The following ATP2B2 variants were observed in gnomAD, a reference collection of about 807,000 sequenced individuals.
The protein encoded by ATP2B2 is plasma membrane calcium-transporting ATPase 2.
Under a neutral mutation model 120.0 loss-of-function variants are expected in ATP2B2, and 15 were observed. That is an observed-to-expected ratio of 0.12 (90% confidence interval 0.08 to 0.19). The LOEUF is 0.19. Among genes scored for constraint, ATP2B2 ranks in the 10% least tolerant of loss-of-function variants. The pLI is 1.00. For synonymous variants in ATP2B2, 694 were observed against 700.3 expected, an observed-to-expected ratio of 0.99 and a Z score of 0.14; for missense variants, 1,045 against 1,719.8, an observed-to-expected ratio of 0.61 and a Z score of 6.94.
At chr3:10,654,536 C>A (rs2070559619) in intron 1 of ATP2B2, among the ~76,000 whole-genome samples, 1 of 151,880 alleles carries the variant, frequency 6.6e-6, no homozygotes, top group Non-Finnish European at 1.5e-5. Flanking sequence ...GGGTGCAGGT[C>A]CTGAAAGAAA....
At chr3:10,628,557 G>A (rs914984777) in intron 1 of ATP2B2, among the ~76,000 whole-genome samples, 1 of 152,240 alleles carries the variant, frequency 6.6e-6, no homozygotes, top group Non-Finnish European at 1.5e-5. Flanking sequence ...AGGACATGTA[G>A]TAGGGCGTCC....
intron 1 of ATP2B2, among the ~76,000 whole-genome samples, chr3:10,643,034 A>C (rs528658554): frequency 8.5e-4 from 129 of 152,180 alleles, no homozygotes; most frequent in Non-Finnish European, 1.2e-3. Flanking sequence ...GTTATGCCGG[A>C]AAGTCAAGGA....
At chr3:10,629,542 G>T (rs998536491) in intron 1 of ATP2B2, among the ~76,000 whole-genome samples, 1 of 152,162 alleles carries the variant, frequency 6.6e-6, no homozygotes, top group Non-Finnish European at 1.5e-5. Context: ...CGTCTCAGCC[G>T]ATCCTCACCT....
chr3:10,582,996 A>G (rs2068425873), intron 2 of ATP2B2, among the ~76,000 whole-genome samples: 1 of 152,260 alleles, frequency 6.6e-6, no homozygotes, highest in Non-Finnish European at 1.5e-5. Context: ...CTGAACTTCC[A>G]TGTCAGCAGC....
At chr3:10,358,989 C>T (rs2060819323) in intron 13 of ATP2B2, 64 bp from the exon 14 acceptor site, 3 of 1,482,424 alleles carry the variant, frequency 2.0e-6, no homozygotes, top group Non-Finnish European at 2.8e-6. Flanking sequence ...GCTTAGAGAC[C>T]ACCTCCCCAC....
At chr3:10,686,607 T>A (rs879472827) in intron 1 of ATP2B2, among the ~76,000 whole-genome samples, 3 of 151,342 alleles carry the variant, frequency 2.0e-5, no homozygotes, top group Non-Finnish European at 4.4e-5. Flanking sequence ...TGAGCCAAGA[T>A]CATGCCACTG....
chr3:10,397,213 A>G (rs1445050173), intron 5 of ATP2B2, among the ~76,000 whole-genome samples: 4 of 152,020 alleles, frequency 2.6e-5, no homozygotes, highest in Admixed American at 2.6e-4. Context: ...GCTGGGCACA[A>G]CCTCCTGAGA....
At chr3:10,507,880 C>A (rs2066678325), upstream of ATP2B2, among the ~76,000 whole-genome samples, 1 of 141,238 alleles carries the variant, frequency 7.1e-6, no homozygotes. Context: ...AAAGAGTAGA[C>A]CAAACTTGTG....
At chr3:10,613,046 G>C (rs2069284598) in intron 2 of ATP2B2, among the ~76,000 whole-genome samples, 1 of 152,204 alleles carries the variant, frequency 6.6e-6, no homozygotes, top group African/African-American at 2.4e-5. Context: ...CCACCGAGGG[G>C]AGGGGGCTGA....
At chr3:10,632,300 C>T (rs1014091484) in intron 1 of ATP2B2, among the ~76,000 whole-genome samples, 5 of 152,152 alleles carry the variant, frequency 3.3e-5, no homozygotes, top group Admixed American at 6.5e-5. Context: ...ATAGAGAGGC[C>T]GCAGTCTCCA....
intron 1 of ATP2B2, among the ~76,000 whole-genome samples, chr3:10,692,145 A>G (rs2071675339): frequency 6.6e-6 from 1 of 152,254 alleles, no homozygotes. Context: ...CAAAATCTGC[A>G]TATTTTTATA....
chr3:10,449,315 C>T, intron 2 of ATP2B2, 30 bp downstream of exon 2: 2 of 1,613,468 alleles, frequency 1.2e-6, no homozygotes, highest in Non-Finnish European at 1.7e-6. Context: ...ACCTAGGCTG[C>T]AGCCCTGGGT....
At chr3:10,588,336 AGAG>A (rs537214024) in intron 2 of ATP2B2, among the ~76,000 whole-genome samples, 236 of 152,322 alleles carry the variant, frequency 1.5e-3, no homozygotes, top group Non-Finnish European at 2.6e-3. Flanking sequence ...TTGCTGGTCT[AGAG>A]GAGGAGAGGG....
intron 2 of ATP2B2, among the ~76,000 whole-genome samples, chr3:10,583,207 T>C (rs1009099051): frequency 2.6e-5 from 4 of 152,246 alleles, no homozygotes; most frequent in African/African-American, 7.2e-5. Context: ...ATCTTGGCTC[T>C]GACACCTAGA....
chr3:10,686,672 A>G (rs1426603126), intron 1 of ATP2B2, among the ~76,000 whole-genome samples: 1 of 151,962 alleles, frequency 6.6e-6, no homozygotes, highest in African/African-American at 2.4e-5. Flanking sequence ...AAAAGCACGC[A>G]ATCATTCAGC....
rs568182333 is a variant in ATP2B2, at chr3:10,437,167, A to C, written c.199+12178T>G. ...GATTGGGAGACCTGAGTTCTCATTT[A>C]GTTTTGTGCCAGATGGCTGTGTGAG... is the stretch of plus-strand genomic sequence containing the variant. On this transcript the variant is annotated intron_variant, in intron 2 of 22. Transcript: ENST00000360273. 8.5e-5 allele frequency among the ~76,000 whole-genome samples: 13 copies of C among 152,198 alleles called. No homozygotes were observed. The South Asian group carries it at 2.7e-3, about 32-fold the overall frequency.
chr3:10,378,255 C>A lies in ATP2B2; in HGVS notation c.1198G>T (p.Ala400Ser). ...LTKLAVQIGKAGLVMSAITVI... is the reference protein window; with the variant it reads ...LTKLAVQIGKSGLVMSAITVI... ...GCCTCCCACCTGCTGCACTCACCCGCCTTCCCGATCTGCACAGCCAGCTTG... is the reference window on the plus strand; with the variant it reads ...GCCTCCCACCTGCTGCACTCACCCGACTTCCCGATCTGCACAGCCAGCTTG... Residue 400 changes from alanine to serine, a missense_variant, in exon 10 of 23, where the codon GCG becomes TCG. Transcript: ENST00000360273. 2 of 1,606,682 alleles carry A rather than the reference C, an allele frequency of 1.2e-6. No individual in the cohort carries two copies. The highest frequency in any genetic ancestry group is 1.7e-6 in the Non-Finnish European group (2 of 1,179,908).
At chr3:10,411,790 C>T in intron 2 of ATP2B2, among the ~76,000 whole-genome samples, 1 of 152,194 alleles carries the variant, frequency 6.6e-6, no homozygotes, top group East Asian at 1.9e-4. Flanking sequence ...GTGCTCGGAG[C>T]GTGCCTGGTG....
intron 1 of ATP2B2, among the ~76,000 whole-genome samples, chr3:10,638,058 C>G (rs1178905162): frequency 1.3e-5 from 2 of 151,968 alleles, no homozygotes; most frequent in Non-Finnish European, 2.9e-5. Context: ...CTCTCAAAAT[C>G]AAGGTAAAAT....
Sources: gnomAD v4.1 joint callset for allele counts (sites outside exome capture counted in the v4.1 genomes callset) on GRCh38, gnomAD v4.1.1 for gene constraint, MANE v1.5 for transcripts, NCBI Gene and HGNC (gene_info 2026-07-23, HGNC 2026-07-21) for gene names.